Variants in ARNT2 observed in about 807,000 individuals in gnomAD.
ARNT2 encodes aryl hydrocarbon receptor nuclear translocator 2, also known as ARNT protein 2.
Under a neutral mutation model 91.7 loss-of-function variants are expected in ARNT2, and 36 were observed. That is an observed-to-expected ratio of 0.39 (90% CI 0.30 to 0.52). The LOEUF is 0.52. ARNT2 is among the 20% of genes least tolerant of loss of function. The probability of loss-of-function intolerance (pLI) is 0.72; values close to 1 mark genes in which losing one functional copy is unlikely to be tolerated. For synonymous variants in ARNT2, 365 were observed against 347.1 expected (o/e 1.05, Z -0.57); for missense variants, 775 against 939.3 (o/e 0.83, Z 2.29).
At chr15:80,490,061 CCT>C (rs1260476590) in intron 5 of ARNT2, among the ~76,000 whole-genome samples, 1 of 152,006 alleles carries the variant, frequency 6.6e-6, no homozygotes, top group Non-Finnish European at 1.5e-5. Context: ...TCAGTCCCTA[CCT>C]AGTCAGGGAT....
intron 5 of ARNT2, among the ~76,000 whole-genome samples, chr15:80,491,176 G>A (rs567018688): frequency 7.2e-5 from 11 of 152,258 alleles, no homozygotes; most frequent in Admixed American, 5.9e-4. Flanking sequence ...GAAGGCCATT[G>A]TATTAGTTAG....
chr15:80,410,165 G>A (rs960400055), intron 1 of ARNT2, among the ~76,000 whole-genome samples: 3 of 152,334 alleles, frequency 2.0e-5, no homozygotes, highest in African/African-American at 7.2e-5. Context: ...GTCAGGGGCT[G>A]TCAGTAGAGA....
chr15:80,528,764 T>G (rs1897687014), intron 8 of ARNT2, among the ~76,000 whole-genome samples: 1 of 152,166 alleles, frequency 6.6e-6, no homozygotes, highest in African/African-American at 2.4e-5. Context: ...TCCACCAGAG[T>G]AGAAGCACCC....
intron 12 of ARNT2, among the ~76,000 whole-genome samples, chr15:80,568,962 A>G (rs1485554179): frequency 1.3e-5 from 2 of 152,266 alleles, no homozygotes; most frequent in Admixed American, 1.3e-4. Flanking sequence ...GTGCACACAC[A>G]TGCTTGACTG....
intron 10 of ARNT2, 58 bp downstream of exon 10, chr15:80,552,832 C>CAT: frequency 6.3e-7 from 1 of 1,577,468 alleles, no homozygotes; most frequent in Non-Finnish European, 8.7e-7. Flanking sequence ...GTTTTTAAAA[C>CAT]ATTCTTACTT....
intron 17 of ARNT2, among the ~76,000 whole-genome samples, chr15:80,585,915 G>A (rs1229254043): frequency 1.3e-5 from 2 of 152,234 alleles, no homozygotes; most frequent in Non-Finnish European, 2.9e-5. Flanking sequence ...CCTCTGCTGA[G>A]AAAGCCTAAC....
At chr15:80,587,317 G>A (rs1490174591) in intron 17 of ARNT2, among the ~76,000 whole-genome samples, 1 of 151,944 alleles carries the variant, frequency 6.6e-6, no homozygotes, top group Non-Finnish European at 1.5e-5. Flanking sequence ...GGGTTCAGCA[G>A]CATCTCCCTG....
intron 12 of ARNT2, among the ~76,000 whole-genome samples, chr15:80,569,973 C>A (rs934931752): frequency 7.2e-5 from 11 of 152,238 alleles, no homozygotes; most frequent in Non-Finnish European, 1.2e-4. Context: ...TTCACTGCTT[C>A]AACCCCACAA....
rs191781601 is a variant in ARNT2 at position 80,587,769 on chromosome 15, G to A, written c.1919-3799G>A. On this transcript the variant is annotated intron_variant, in intron 17 of 18. Transcript: ENST00000303329. ...TCTAGGCACAGAGAAGGGGAAGGATGTACATGACAGAAAGAACACATGTGC... is the reference window on the plus strand; with the variant it reads ...TCTAGGCACAGAGAAGGGGAAGGATATACATGACAGAAAGAACACATGTGC... Among the ~76,000 whole-genome samples the A allele has an allele frequency of 2.3e-3, 348 of 152,298 alleles. 2 individuals carry two copies. In the South Asian group the frequency reaches 0.025, roughly 11 times the overall value.
chr15:80,531,793 T>C (rs1049293169), intron 8 of ARNT2, among the ~76,000 whole-genome samples: 1 of 152,182 alleles, frequency 6.6e-6, no homozygotes, highest in Non-Finnish European at 1.5e-5. Flanking sequence ...AAAGAGAACC[T>C]GGGGCATGAT....
At chr15:80,504,493 G>T (rs1897244214) in intron 5 of ARNT2, among the ~76,000 whole-genome samples, 1 of 148,430 alleles carries the variant, frequency 6.7e-6, no homozygotes, top group Non-Finnish European at 1.5e-5. Flanking sequence ...AGTCAGCTAA[G>T]CACAGTGGCT....
At chr15:80,414,268 A>G (rs895289126) in intron 1 of ARNT2, among the ~76,000 whole-genome samples, 1 of 152,218 alleles carries the variant, frequency 6.6e-6, no homozygotes, top group African/African-American at 2.4e-5. Flanking sequence ...ATCTACGGGT[A>G]GAGGCCAAGG....
intron 8 of ARNT2, among the ~76,000 whole-genome samples, chr15:80,531,712 TG>T (rs905548737): frequency 2.2e-4 from 34 of 152,352 alleles, no homozygotes; most frequent in African/African-American, 8.2e-4. Context: ...TCTCATTCAC[TG>T]CTAAACTCCT....
In ARNT2 at chr15:80,576,807, C is replaced by T. The variant is rs1390010277; in HGVS notation, c.1514-59C>T. On this transcript the variant is annotated intron_variant, in intron 14 of 18. Transcript: ENST00000303329. ...CCTGCACCTCTTCTTGGGGCAGCCTCCTCTGTGGTCTGCAGAGCAGGGAAC... is the reference window on the plus strand; with the variant it reads ...CCTGCACCTCTTCTTGGGGCAGCCTTCTCTGTGGTCTGCAGAGCAGGGAAC... The T allele has an allele frequency of 1.9e-6, 3 of 1,574,576 alleles. No individual in the cohort carries two copies. The African/African-American group carries it at 4.0e-5, about 21-fold the overall frequency.
intron 17 of ARNT2, among the ~76,000 whole-genome samples, chr15:80,589,312 A>G (rs1287076643): frequency 2.6e-5 from 4 of 152,060 alleles, no homozygotes; most frequent in East Asian, 3.9e-4. Context: ...GAGTAATTGC[A>G]CAGGGTTGAG....
chr15:80,410,097 G>A (rs185999233), intron 1 of ARNT2, among the ~76,000 whole-genome samples: 19 of 152,344 alleles, frequency 1.2e-4, no homozygotes, highest in Non-Finnish European at 1.9e-4. Context: ...TGTGTGGAGA[G>A]CCAATTGGAC....
rs1398370514 is a variant in ARNT2 at position 80,514,420 on chromosome 15, A to G, written c.877+15A>G. On this transcript the variant is annotated intron_variant, in intron 8 of 18. Transcript: ENST00000303329. Reference sequence around the variant, plus strand: ...GCCACCAGCAGGTAAGGAGACCTGCATGTAAATTCCACGGGAACTGGGTGC... The same window carrying G: ...GCCACCAGCAGGTAAGGAGACCTGCGTGTAAATTCCACGGGAACTGGGTGC... The G allele has an allele frequency of 1.9e-6, 3 of 1,610,862 alleles. No homozygotes were observed. The highest frequency in any genetic ancestry group is 1.3e-5 in the African/African-American group (1 of 74,894).
At chr15:80,501,647 CG>C (rs1252921907) in intron 5 of ARNT2, among the ~76,000 whole-genome samples, 1 of 152,198 alleles carries the variant, frequency 6.6e-6, no homozygotes, top group African/African-American at 2.4e-5. Context: ...GGCTAACTCC[CG>C]GTCTCAGGAG....
At chr15:80,518,016 C>T (rs1222953623) in intron 8 of ARNT2, among the ~76,000 whole-genome samples, 1 of 152,074 alleles carries the variant, frequency 6.6e-6, no homozygotes, top group Non-Finnish European at 1.5e-5. Flanking sequence ...CACTTTGTCT[C>T]TTCAAACTAT....
Sources: allele counts gnomAD v4.1 joint callset (sites outside exome capture counted in the v4.1 genomes callset), GRCh38; gene constraint gnomAD v4.1.1; transcripts MANE v1.5; gene names NCBI Gene and HGNC (gene_info 2026-07-23, HGNC 2026-07-21).